The following TCF4 variants were observed in gnomAD, a reference collection of about 807,000 sequenced individuals.
The protein encoded by TCF4 is transcription factor 4.
Under a neutral mutation model 82.1 loss-of-function variants are expected in TCF4, and 3 were observed. The observed-to-expected ratio is 0.04, with a 90% CI of 0.02 to 0.09. The LOEUF is 0.09. TCF4 is among the 10% of genes least tolerant of loss of function. The pLI is 1.00. For synonymous variants in TCF4, 276 were observed against 309.6 expected (o/e 0.89, Z 1.14); for missense variants, 518 against 852.7 (o/e 0.61, Z 4.89).
intron 3 of TCF4, among the ~76,000 whole-genome samples, chr18:55,484,119 T>G (rs540070408): frequency 6.6e-6 from 1 of 152,160 alleles, no homozygotes; most frequent in Non-Finnish European, 1.5e-5. Flanking sequence ...TTTCTTATGT[T>G]ATGAGAGAGA....
At chr18:55,289,346 A>C (rs1366957474) in intron 8 of TCF4, among the ~76,000 whole-genome samples, 2 of 152,382 alleles carry the variant, frequency 1.3e-5, no homozygotes, top group Admixed American at 6.5e-5. Flanking sequence ...AGTTGTTTCC[A>C]AACTTTTATT....
At chr18:55,278,323 T>G (rs1026392759) in intron 9 of TCF4, among the ~76,000 whole-genome samples, 2 of 152,068 alleles carry the variant, frequency 1.3e-5, no homozygotes, top group African/African-American at 4.8e-5. Flanking sequence ...CTTATACAAA[T>G]AAGGTTTTCA....
At chr18:55,554,824 T>C (rs1382357878) in intron 3 of TCF4, among the ~76,000 whole-genome samples, 3 of 152,194 alleles carry the variant, frequency 2.0e-5, no homozygotes, top group Non-Finnish European at 4.4e-5. Context: ...CCAAAGTGAA[T>C]TCTGTAACTT....
intron 5 of TCF4, among the ~76,000 whole-genome samples, chr18:55,455,499 G>C (rs1411930055): frequency 6.8e-6 from 1 of 146,816 alleles, no homozygotes; most frequent in Non-Finnish European, 1.5e-5. Flanking sequence ...AGTTGATGTC[G>C]AGATAACATC....
At chr18:55,498,263 C>T (rs963516978) in intron 3 of TCF4, among the ~76,000 whole-genome samples, 1 of 152,250 alleles carries the variant, frequency 6.6e-6, no homozygotes, top group African/African-American at 2.4e-5. Context: ...TGCTCACACA[C>T]TCAGACTTCT....
chr18:55,380,577 G>A (rs191614316), intron 6 of TCF4, among the ~76,000 whole-genome samples: 1 of 152,106 alleles, frequency 6.6e-6, no homozygotes, highest in Non-Finnish European at 1.5e-5. Context: ...ATGAATTTGG[G>A]GAGTGGGGAT....
At chr18:55,389,850 G>A (rs1255864221) in intron 6 of TCF4, among the ~76,000 whole-genome samples, 1 of 151,948 alleles carries the variant, frequency 6.6e-6, no homozygotes, top group Non-Finnish European at 1.5e-5. Flanking sequence ...TGGGGGTCTA[G>A]GAGGCAGCAG....
At chr18:55,284,313 G>C (rs1439074414) in intron 8 of TCF4, 1 of 152,100 alleles carries the variant, frequency 6.6e-6, no homozygotes, top group East Asian at 1.9e-4. Flanking sequence ...TCAGGAGGCT[G>C]AGGCAGGAGA....
chr18:55,352,667 T>C (rs1471416078), intron 6 of TCF4, among the ~76,000 whole-genome samples: 1 of 152,160 alleles, frequency 6.6e-6, no homozygotes, highest in East Asian at 1.9e-4. Flanking sequence ...TTATGAGACA[T>C]ATTAAAACAC....
chr18:55,283,689 A>C (rs1197324070), intron 8 of TCF4, among the ~76,000 whole-genome samples: 1 of 152,220 alleles, frequency 6.6e-6, no homozygotes, highest in African/African-American at 2.4e-5. Flanking sequence ...ATCTTGGACC[A>C]GTTACTTTTA....
chr18:55,623,789 T>C (rs1261976412), intron 2 of TCF4, among the ~76,000 whole-genome samples: 1 of 152,196 alleles, frequency 6.6e-6, no homozygotes. Context: ...GCTAGATCCA[T>C]GAGCTGAGCA....
At chr18:55,321,814 C>G (rs1310368070) in intron 8 of TCF4, 1 of 1,506,056 alleles carries the variant, frequency 6.6e-7, no homozygotes, top group African/African-American at 1.4e-5. Context: ...TTTTTCACAA[C>G]AATTCCTTCA....
intron 3 of TCF4, among the ~76,000 whole-genome samples, chr18:55,485,472 G>A (rs1340732231): frequency 6.6e-6 from 1 of 152,114 alleles, no homozygotes; most frequent in Non-Finnish European, 1.5e-5. Flanking sequence ...TAAGTCCACA[G>A]AAGCATCATT....
intron 6 of TCF4, among the ~76,000 whole-genome samples, chr18:55,385,439 G>A (rs1336508186): frequency 1.3e-5 from 2 of 152,120 alleles, no homozygotes; most frequent in Non-Finnish European, 2.9e-5. Flanking sequence ...TTTCTCTCTT[G>A]TCACCCAGGC....
At chr18:55,321,523 G>T in intron 8 of TCF4, 1 of 1,199,616 alleles carries the variant, frequency 8.3e-7, no homozygotes, top group East Asian at 2.5e-5. Context: ...GAAGATCTTA[G>T]GATTGGCAAA....
chr18:55,541,393 A>G (rs989664131), intron 3 of TCF4, among the ~76,000 whole-genome samples: 19 of 152,006 alleles, frequency 1.2e-4, no homozygotes, highest in Admixed American at 8.5e-4. Context: ...GATACCAATA[A>G]TAAGTGTAGT....
rs1427442099 is a variant in TCF4, at chr18:55,633,211, TGCAAGTCA to T, written c.196-1831_196-1824del. 6.6e-6 allele frequency among the ~76,000 whole-genome samples: 1 copy of T among 152,222 alleles called. No homozygotes were observed. Among genetic ancestry groups the T allele is most frequent in the African/African-American group, 2.4e-5 (1 of 41,464 alleles). On this transcript the variant is annotated intron_variant, in intron 1 of 20. Coordinates refer to the TCF4 transcript ENST00000398339. The surrounding 1 kb of genome is among the most constrained non-coding windows in gnomAD (Gnocchi z 4.0). Reference sequence around the variant, plus strand: ...TTTGAGCCAAGATGTGGACTGGGCCTGCAAGTCAGCAAGTTCCTCTAAAGGATTGACCA... The same window carrying T: ...TTTGAGCCAAGATGTGGACTGGGCCTGCAAGTTCCTCTAAAGGATTGACCA...
intron 5 of TCF4, among the ~76,000 whole-genome samples, chr18:55,415,653 C>T (rs2094500739): frequency 6.6e-6 from 1 of 152,154 alleles, no homozygotes; most frequent in African/African-American, 2.4e-5. Context: ...GTATTAAATA[C>T]TGACTTTAAC....
At chr18:55,362,341 G>A (rs1340337774) in intron 6 of TCF4, among the ~76,000 whole-genome samples, 1 of 56,706 alleles carries the variant, frequency 1.8e-5, no homozygotes, top group Non-Finnish European at 3.1e-5. Context: ...AAAAAAAAGA[G>A]GAAGGAAGGA....
Sources: allele counts gnomAD v4.1 joint callset (sites outside exome capture counted in the v4.1 genomes callset), GRCh38; gene constraint gnomAD v4.1.1; non-coding constraint Gnocchi (gnomAD v3.1); transcripts MANE v1.5; gene names NCBI Gene and HGNC (gene_info 2026-07-23, HGNC 2026-07-21).